The following MPV17L variants were observed in gnomAD, a reference collection of about 807,000 sequenced individuals.
The protein encoded by MPV17L is MPV17 mitochondrial inner membrane protein like, also known as mpv17-like protein.
Under a neutral mutation model 25.8 loss-of-function variants are expected in MPV17L, and 24 were observed. The observed-to-expected ratio is 0.93, with a 90% CI of 0.67 to 1.31. MPV17L has a LOEUF of 1.31. Ranked by LOEUF, MPV17L falls within the 50% of genes most tolerant of loss-of-function variation. MPV17L has a pLI of 0.00. For missense variants in MPV17L, 250 were observed against 265.6 expected (o/e 0.94, Z 0.41); for synonymous variants, 102 against 115.3 (o/e 0.88, Z 0.74).
intron 3 of MPV17L, 29 bp downstream of exon 3, chr16:15,407,882 C>A: frequency 6.2e-7 from 1 of 1,612,706 alleles, no homozygotes; most frequent in Non-Finnish European, 8.5e-7. Context: ...GTAATATGAA[C>A]TCAGGGCTTT....
intron 1 of MPV17L, among the ~76,000 whole-genome samples, chr16:15,398,050 CT>C (rs371067694): frequency 1.0e-4 from 15 of 149,210 alleles, no homozygotes; most frequent in East Asian, 5.9e-4. Flanking sequence ...TCTTTTTCTT[CT>C]TTTTTTTTTG....
At chr16:15,400,275 C>G (rs1251345126) in intron 1 of MPV17L, among the ~76,000 whole-genome samples, 1 of 151,288 alleles carries the variant, frequency 6.6e-6, no homozygotes, top group African/African-American at 2.4e-5. Context: ...AATTTTTATA[C>G]TCTGCTATTC....
intron 1 of MPV17L, among the ~76,000 whole-genome samples, chr16:15,396,930 C>A (rs1177840132): frequency 6.6e-6 from 1 of 152,008 alleles, no homozygotes; most frequent in Non-Finnish European, 1.5e-5. Flanking sequence ...CCGACCCGGG[C>A]CTGGGGTGTG....
At chr16:15,401,084 ATATT>A (rs1311470236) in intron 2 of MPV17L, among the ~76,000 whole-genome samples, 15 of 33,202 alleles carry the variant, frequency 4.5e-4, no homozygotes, top group African/African-American at 1.2e-3. Context: ...ATATATATAT[ATATT>A]TTTTTTTTTT....
chr16:15,404,478 TTGAAGTTAGGAGTTCAAGACCA>T (rs2050664402), intron 2 of MPV17L, among the ~76,000 whole-genome samples: 1 of 151,934 alleles, frequency 6.6e-6, no homozygotes, highest in African/African-American at 2.4e-5. Context: ...GGAGGATCCC[TTGAAGTTAGGAGTTCAAGACCA>T]GCTTGGGCAA....
At chr16:15,404,151 C>T (rs1182339037) in intron 2 of MPV17L, among the ~76,000 whole-genome samples, 1 of 152,082 alleles carries the variant, frequency 6.6e-6, no homozygotes, top group African/African-American at 2.4e-5. Flanking sequence ...TATGCACATA[C>T]TGGGGGACAG....
chr16:15,400,031 CA>C (rs1297691689), intron 1 of MPV17L, among the ~76,000 whole-genome samples: 1 of 152,098 alleles, frequency 6.6e-6, no homozygotes, highest in Non-Finnish European at 1.5e-5. Context: ...CTTGAACTCC[CA>C]ACCTCAGGTG....
rs2050696601 is a variant in MPV17L at position 15,407,925 on chromosome 16, T to C, written c.412-8T>C. The C allele has an allele frequency of 1.2e-6, 2 of 1,613,800 alleles. No individual in the cohort carries two copies. The highest frequency in any genetic ancestry group is 1.7e-6 in the Non-Finnish European group (2 of 1,180,020). On this transcript the variant is annotated splice_region_variant and splice_polypyrimidine_tract_variant and intron_variant, in intron 3 of 3. Transcript: ENST00000396385. ...ATGTGGCCCTAACGGACTCTCTCTC[T>C]GTTCCAGCTGACCAACTTCAGCCTT...
intron 2 of MPV17L, among the ~76,000 whole-genome samples, chr16:15,402,689 T>G (rs1457600795): frequency 6.6e-6 from 1 of 152,202 alleles, no homozygotes; most frequent in Non-Finnish European, 1.5e-5. Flanking sequence ...TTTGTTTGTT[T>G]GTTTGTTTTT....
chr16:15,403,163 A>G (rs149816478), intron 2 of MPV17L, among the ~76,000 whole-genome samples: 1,767 of 150,926 alleles, frequency 0.012, 35 homozygotes, highest in African/African-American at 0.041. Flanking sequence ...AGGTCAGGAG[A>G]TCGAGACCAT....
In MPV17L at chr16:15,401,058, G is replaced by GTATATATATA. The variant is rs548012835; in HGVS notation, c.381+221_381+230dup. Among the ~76,000 whole-genome samples the GTATATATATA allele has an allele frequency of 1.7e-3, 75 of 44,242 alleles. 1 individual carries two copies. The highest frequency in any genetic ancestry group is 3.7e-3 in the African/African-American group (36 of 9,658). 29.0% of individuals were successfully genotyped at this position (44,242 alleles called of 152,430 possible). On this transcript the variant is annotated intron_variant, in intron 2 of 3. Transcript: ENST00000396385. The stretch of plus-strand genomic sequence containing the variant: ...TCAGGATTTTTTTGTATGTGTGTGT[G>GTATATATATA]TATATATATATATATATATATATAT...
At position 15,396,018 on chromosome 16, in the gene MPV17L, C is replaced by T. The variant is rs773663453; in HGVS notation, c.121C>T (p.Arg41Cys). 2.3e-5 allele frequency: 35 copies of T among 1,527,752 alleles called. 1 individual carries two copies. In the Admixed American group the frequency reaches 6.0e-4, roughly 26 times the overall value. The allele number at this position is 1,527,752 out of a possible 1,614,324, so 94.6% of individuals were successfully genotyped here. The stretch of plus-strand genomic sequence containing the variant: ...CGCGCTGCAACAGCGGCTGCAGGGC[C>T]GCGAGGCCAACTGGCGCCAGACGCG... ...GDALQQRLQG[R>C]EANWRQTRRV... Residue 41 changes from arginine (R) to cysteine (C), a missense_variant, in exon 1 of 4, where the codon CGC (arginine) becomes TGC (cysteine). Coordinates refer to ENST00000396385, the MANE Select transcript of MPV17L (RefSeq NM_001128423.2).
chr16:15,399,690 A>G (rs943643964), intron 1 of MPV17L: 3 of 227,336 alleles, frequency 1.3e-5, no homozygotes, highest in African/African-American at 7.1e-5. Context: ...TTCCACTTTC[A>G]AATTTTGAAT....
At chr16:15,400,638 T>C in intron 1 of MPV17L, 149 bp from the exon 2 acceptor site, 2 of 497,558 alleles carry the variant, frequency 4.0e-6, no homozygotes, top group Non-Finnish European at 6.8e-6. Context: ...GGCGCCTGTC[T>C]ATGTTCTCTT....
rs376733778 is a variant in MPV17L, at chr16:15,400,799, T to C, written c.323T>C (p.Leu108Pro). The change falls in exon 2 of 4, where the codon CTC becomes CCC. Residue 108 changes from leucine (L) to proline (P), a missense_variant. Transcript: ENST00000396385. ...GTTTTGCAAATAGGTATGAGCATTC[T>C]CCAAGGAAAGGATGACATATTTTTG... is the stretch of plus-strand genomic sequence containing the variant. ...VSAFYVGMSI[L>P]QGKDDIFLDL... is the part of the protein sequence containing the mutation. The C allele has an allele frequency of 4.4e-5, 71 of 1,605,190 alleles. No individual in the cohort carries two copies. In the African/African-American group the frequency reaches 8.8e-4, roughly 20 times the overall value.
chr16:15,407,852 A>G lies in MPV17L; in HGVS notation c.410A>G (p.Gln137Arg). Residue 137 changes from glutamine (Q) to arginine (R), a missense_variant and splice_region_variant, in exon 3 of 4, where the codon CAG becomes CGG. Physicochemically the swap from Gln to Arg is conservative, Grantham distance 43. Transcript: ENST00000396385. ...GGACTGATGTACTGGCCCTTTGTAC[A>G]GGTAAGTTCCACCTACTCAGTAATA... ...LSGLMYWPFV[Q>R]LTNFSLVPVQ... The G allele has an allele frequency of 1.9e-6, 3 of 1,613,102 alleles. No individual in the cohort carries two copies. Among genetic ancestry groups the G allele is most frequent in the Non-Finnish European group, 2.5e-6 (3 of 1,179,928 alleles).
At chr16:15,401,037 GA>G (rs1305652057) in intron 2 of MPV17L, among the ~76,000 whole-genome samples, 180 bp downstream of exon 2, 2 of 95,842 alleles carry the variant, frequency 2.1e-5, no homozygotes, top group African/African-American at 4.0e-5. Context: ...ATCACATCAG[GA>G]TTTTTTTGTA....
intron 2 of MPV17L, among the ~76,000 whole-genome samples, chr16:15,403,970 A>G (rs769144584): frequency 9.2e-5 from 14 of 151,782 alleles, no homozygotes; most frequent in Non-Finnish European, 1.9e-4. Context: ...GATCGAGCCC[A>G]TCCTCGCCAA....
chr16:15,399,358 T>G, intron 1 of MPV17L: 2 of 453,684 alleles, frequency 4.4e-6, no homozygotes, highest in Non-Finnish European at 8.8e-6. Context: ...TTTACAACCT[T>G]CCTAAAATAG....
Sources: allele counts gnomAD v4.1 joint callset (sites outside exome capture counted in the v4.1 genomes callset), GRCh38; gene constraint gnomAD v4.1.1; transcripts MANE v1.5; gene names NCBI Gene and HGNC (gene_info 2026-07-23, HGNC 2026-07-21).